The following DDX10 variants were observed in gnomAD, a reference collection of about 807,000 sequenced individuals.
The protein encoded by DDX10 is probable ATP-dependent RNA helicase DDX10.
Under a neutral mutation model 104.3 loss-of-function variants are expected in DDX10, and 74 were observed. The ratio of observed to expected loss-of-function variants is 0.71; its 90% CI spans 0.59 to 0.86. The LOEUF (loss-of-function observed/expected upper bound fraction) is 0.86. Ranked by LOEUF, DDX10 falls within the 40% of genes least tolerant of loss-of-function variation. DDX10 has a pLI of 0.00. For missense variants in DDX10, 952 were observed against 1,040.0 expected (o/e 0.92, Z 1.16); for synonymous variants, 351 against 353.4 (o/e 0.99, Z 0.08).
intron 16 of DDX10, among the ~76,000 whole-genome samples, chr11:108,879,151 G>A (rs916580584): frequency 2.0e-5 from 3 of 152,108 alleles, no homozygotes; most frequent in Non-Finnish European, 2.9e-5. Flanking sequence ...ACAGGTGCAC[G>A]CCACCACACC....
intron 13 of DDX10, among the ~76,000 whole-genome samples, chr11:108,836,622 G>A (rs1404904439): frequency 6.6e-6 from 1 of 152,104 alleles, no homozygotes; most frequent in African/African-American, 2.4e-5. Flanking sequence ...GAGTAGCTGG[G>A]ATTACAGGGG....
At chr11:108,736,573 G>T (rs2094318706) in intron 13 of DDX10, among the ~76,000 whole-genome samples, 1 of 152,090 alleles carries the variant, frequency 6.6e-6, no homozygotes. Flanking sequence ...AGAGGTTGGG[G>T]CCTTAAGAGG....
intron 6 of DDX10, among the ~76,000 whole-genome samples, chr11:108,683,933 AT>A (rs2094239101): frequency 6.6e-6 from 1 of 152,104 alleles, no homozygotes; most frequent in Admixed American, 6.6e-5. Context: ...ATAATTAATG[AT>A]GAATTAATGA....
intron 16 of DDX10, among the ~76,000 whole-genome samples, chr11:108,855,659 C>A (rs184010775): frequency 1.6e-3 from 243 of 152,190 alleles, no homozygotes; most frequent in Middle Eastern, 6.8e-3. Flanking sequence ...CAGAGTTTCA[C>A]TGCATTAGCC....
chr11:108,917,901 A>T lies in DDX10; in HGVS notation c.2333A>T (p.Asp778Val). Reference sequence around the variant, plus strand: ...AAAGATGAAGAGGAAGCCTTTCTGGATTGGAGTGATGATGATGATGATGAT... The same window carrying T: ...AAAGATGAAGAGGAAGCCTTTCTGGTTTGGAGTGATGATGATGATGATGAT... The part of the protein sequence containing the change: ...KAKDEEEAFL[D>V]WSDDDDDDDD... The change falls in exon 17 of 18, where the codon GAT (aspartate) becomes GTT (valine). Residue 778 changes from aspartate to valine, a missense_variant. Transcript: ENST00000322536. 1 of 1,609,956 alleles carries T rather than the reference A, an allele frequency of 6.2e-7. No individual in the cohort carries two copies. The highest frequency in any genetic ancestry group is 8.5e-7 in the Non-Finnish European group (1 of 1,179,702).
At chr11:108,791,458 T>C (rs1861870125) in intron 13 of DDX10, among the ~76,000 whole-genome samples, 1 of 152,254 alleles carries the variant, frequency 6.6e-6, no homozygotes, top group African/African-American at 2.4e-5. Flanking sequence ...AAATCAGTTT[T>C]AGTGAGCTAT....
In DDX10 at chr11:108,689,002, T is replaced by C. The variant is rs760212873; in HGVS notation, c.915T>C (p.Tyr305=). ...TGCAGCAAAAAATAAGTGTGCTGTATTCCTTTTTGAGAAGCCATCTGAAGA... is the reference window on the plus strand; with the variant it reads ...TGCAGCAAAAAATAAGTGTGCTGTACTCCTTTTTGAGAAGCCATCTGAAGA... ...CELQQKISVL[Y]SFLRSHLKKK... The change falls in exon 7 of 18, where the codon TAT becomes TAC. Residue 305 remains tyrosine, a synonymous_variant. Coordinates refer to ENST00000322536, the MANE Select transcript of DDX10 (RefSeq NM_004398.4). The C allele has an allele frequency of 1.9e-6, 3 of 1,614,128 alleles. No individual in the cohort carries two copies. In the East Asian group the frequency reaches 6.7e-5, roughly 36 times the overall value.
chr11:108,723,502 C>T (rs763485800), intron 13 of DDX10, 40 bp downstream of exon 13: 1 of 1,551,838 alleles, frequency 6.4e-7, no homozygotes, highest in Admixed American at 2.0e-5. Context: ...ATTACATTGT[C>T]TTACTATGTG....
intron 16 of DDX10, among the ~76,000 whole-genome samples, chr11:108,911,266 T>C (rs1002717562): frequency 1.3e-5 from 2 of 152,184 alleles, no homozygotes; most frequent in African/African-American, 2.4e-5. Context: ...TTTGTCTTAA[T>C]CCATTTGTGC....
At chr11:108,929,196 G>T (rs542274827) in intron 17 of DDX10, among the ~76,000 whole-genome samples, 7 of 152,156 alleles carry the variant, frequency 4.6e-5, no homozygotes, top group Non-Finnish European at 8.8e-5. Context: ...TAGAGCGTAC[G>T]CTCCAGCAAG....
At chr11:108,694,034 C>T (rs2094256411) in intron 9 of DDX10, among the ~76,000 whole-genome samples, 1 of 152,116 alleles carries the variant, frequency 6.6e-6, no homozygotes, top group African/African-American at 2.4e-5. Context: ...TGGGTGGGGT[C>T]TTAAGCGTGC....
In DDX10 at chr11:108,900,692, A is replaced by G. The variant is rs182995453; in HGVS notation, c.2305-17181A>G. On this transcript the variant is annotated intron_variant, in intron 16 of 17. Transcript: ENST00000322536. ...GCAGAAGTAACTACCACTGCCCTGT[A>G]TATTCTTCCCATACATGCCCAAGTT... is the stretch of plus-strand genomic sequence containing the variant. Among the ~76,000 whole-genome samples the G allele has an allele frequency of 2.0e-5, 3 of 152,296 alleles. No homozygotes were observed. The East Asian group carries it at 5.8e-4, about 29-fold the overall frequency.
intron 13 of DDX10, among the ~76,000 whole-genome samples, chr11:108,730,765 A>G (rs1172111743): frequency 2.0e-5 from 3 of 152,054 alleles, no homozygotes; most frequent in African/African-American, 4.8e-5. Flanking sequence ...ATCTAATTAT[A>G]GTGTTGTAAA....
intron 5 of DDX10, among the ~76,000 whole-genome samples, chr11:108,679,071 A>T (rs1414811842): frequency 6.6e-6 from 1 of 151,748 alleles, no homozygotes; most frequent in African/African-American, 2.4e-5. Context: ...GTTGGCCAGG[A>T]TGGTCTTGAC....
At chr11:108,873,365 A>G (rs553323141) in intron 16 of DDX10, among the ~76,000 whole-genome samples, 2 of 152,284 alleles carry the variant, frequency 1.3e-5, no homozygotes, top group Admixed American at 6.5e-5. Context: ...GTTACAATCT[A>G]TTCTCTTTCT....
At chr11:108,896,909 A>G (rs1190456804) in intron 16 of DDX10, among the ~76,000 whole-genome samples, 2 of 151,882 alleles carry the variant, frequency 1.3e-5, no homozygotes, top group Non-Finnish European at 2.9e-5. Flanking sequence ...CAAAAGAGAA[A>G]AAGTAGAAAG....
intron 16 of DDX10, among the ~76,000 whole-genome samples, chr11:108,878,946 G>A (rs1425730041): frequency 6.6e-6 from 1 of 152,126 alleles, no homozygotes; most frequent in Non-Finnish European, 1.5e-5. Flanking sequence ...TTCCACATTT[G>A]GCACTAACTA....
intron 13 of DDX10, among the ~76,000 whole-genome samples, chr11:108,758,699 A>G (rs1266603420): frequency 6.6e-6 from 1 of 152,040 alleles, no homozygotes; most frequent in Non-Finnish European, 1.5e-5. Flanking sequence ...TTCTTGCATC[A>G]CATCACTCTG....
intron 1 of DDX10, 74 bp from the exon 2 acceptor site, chr11:108,673,393 A>G: frequency 1.1e-6 from 1 of 942,636 alleles, no homozygotes; most frequent in Non-Finnish European, 1.7e-6. Context: ...TGAGCTGGGC[A>G]ATACAATGTA....
Sources: gnomAD v4.1 joint callset for allele counts (sites outside exome capture counted in the v4.1 genomes callset) on GRCh38, gnomAD v4.1.1 for gene constraint, MANE v1.5 for transcripts, NCBI Gene and HGNC (gene_info 2026-07-23, HGNC 2026-07-21) for gene names.